Variants in HVCN1 observed in about 807,000 individuals in gnomAD.
HVCN1 encodes the protein hydrogen voltage gated channel 1, also known as voltage-gated hydrogen channel 1.
Under a neutral mutation model 29.2 loss-of-function variants are expected in HVCN1, and 14 were observed. The observed-to-expected ratio is 0.48, with a 90% confidence interval of 0.32 to 0.75. HVCN1 has a LOEUF of 0.75. Among genes scored for constraint, HVCN1 ranks in the 30% least tolerant of loss-of-function variants. The probability of loss-of-function intolerance (pLI) is 0.04; values close to 1 mark genes in which losing one functional copy is unlikely to be tolerated. For synonymous variants in HVCN1, 131 were observed against 133.2 expected, an observed-to-expected ratio of 0.98 and a Z score of 0.11; for missense variants, 263 against 341.8, an observed-to-expected ratio of 0.77 and a Z score of 1.82.
intron 3 of HVCN1, among the ~76,000 whole-genome samples, chr12:110,667,150 T>C (rs1343755971): frequency 6.6e-6 from 1 of 152,130 alleles, no homozygotes; most frequent in Non-Finnish European, 1.5e-5. Flanking sequence ...TCCTTTCTTT[T>C]TGAGACAAAG....
chr12:110,664,786 T>C (rs1391170460), intron 3 of HVCN1, among the ~76,000 whole-genome samples: 1 of 152,308 alleles, frequency 6.6e-6, no homozygotes, highest in African/African-American at 2.4e-5. Flanking sequence ...ATATGGACTT[T>C]GGCTGAGTCC....
intron 2 of HVCN1, among the ~76,000 whole-genome samples, chr12:110,697,065 C>G (rs2069505061): frequency 6.6e-6 from 1 of 151,770 alleles, no homozygotes; most frequent in African/African-American, 2.4e-5. Context: ...GGGCAGAGCA[C>G]CGGAGTGCAC....
At chr12:110,649,538 A>G in intron 7 of HVCN1, 63 bp from the exon 8 acceptor site, 3 of 1,210,736 alleles carry the variant, frequency 2.5e-6, no homozygotes, top group Non-Finnish European at 3.6e-6. Flanking sequence ...GTGACAATCA[A>G]TCATTCAGTG....
intron 2 of HVCN1, among the ~76,000 whole-genome samples, chr12:110,684,156 G>A (rs2069094775): frequency 1.3e-5 from 2 of 151,938 alleles, no homozygotes; most frequent in African/African-American, 4.8e-5. Flanking sequence ...ATGGATTAGG[G>A]GGTTTCCTTT....
chr12:110,673,923 C>T (rs1224254554), intron 3 of HVCN1, among the ~76,000 whole-genome samples: 1 of 152,222 alleles, frequency 6.6e-6, no homozygotes, highest in Admixed American at 6.5e-5. Flanking sequence ...CACACTGAGT[C>T]CCTTCTGGGG....
chr12:110,696,807 TG>T (rs1182555555), intron 2 of HVCN1, among the ~76,000 whole-genome samples: 2 of 152,222 alleles, frequency 1.3e-5, no homozygotes, highest in African/African-American at 4.8e-5. Context: ...TACCACATGT[TG>T]CTTATCCTTC....
chr12:110,649,776 G>GCCCAA (rs2067703760), intron 7 of HVCN1, among the ~76,000 whole-genome samples: 1 of 152,262 alleles, frequency 6.6e-6, no homozygotes, highest in Non-Finnish European at 1.5e-5. Flanking sequence ...GCTCAGCCCA[G>GCCCAA]GGAAGGGCGC....
intron 4 of HVCN1, among the ~76,000 whole-genome samples, chr12:110,657,322 T>C (rs538182450): frequency 1.3e-5 from 2 of 152,164 alleles, no homozygotes; most frequent in East Asian, 3.9e-4. Context: ...AGTGAAACCC[T>C]GTTTCTACTA....
At chr12:110,688,178 G>A (rs2069270274) in intron 2 of HVCN1, 3 of 152,292 alleles carry the variant, frequency 2.0e-5, no homozygotes, top group Admixed American at 2.0e-4. Flanking sequence ...TGTACACCAA[G>A]CATCTTATAT....
Position 110,649,203 on chromosome 12 carries a change from C to T in HVCN1, c.*207G>A, listed in dbSNP as rs1182831903. On this transcript the variant is annotated 3_prime_UTR_variant, in exon 8 of 8. Coordinates refer to ENST00000242607, the MANE Select transcript of HVCN1 (RefSeq NM_032369.4). ...ATGAGAAAATGTGATACATTTGATA[C>T]AGTGTGGGGTGGGAGTGGATGGGCA... 7.3e-6 allele frequency: 5 copies of T among 681,878 alleles called. No individual in the cohort carries two copies. The highest frequency in any genetic ancestry group is 2.2e-5 in the Admixed American group (1 of 45,220). The allele number at this position is 681,878 out of a possible 1,614,324, so 42.2% of individuals were successfully genotyped here.
chr12:110,700,589 ATC>A (rs754758692), intron 2 of HVCN1, among the ~76,000 whole-genome samples: 3 of 151,602 alleles, frequency 2.0e-5, no homozygotes, highest in Non-Finnish European at 4.4e-5. Context: ...GAATATTTCG[ATC>A]TCTCTCTCTC....
At chr12:110,650,389 C>G (rs545370127) in intron 6 of HVCN1, 109 bp from the exon 7 acceptor site, 9 of 659,896 alleles carry the variant, frequency 1.4e-5, no homozygotes, top group African/African-American at 3.6e-5. Flanking sequence ...GTGACAGACA[C>G]GCGAGACAGT....
chr12:110,651,382 C>T lies in HVCN1; in HGVS notation c.478G>A (p.Val160Ile). 1.2e-6 allele frequency: 2 copies of T among 1,613,886 alleles called. No homozygotes were observed. Among genetic ancestry groups the T allele is most frequent in the Non-Finnish European group, 1.7e-6 (2 of 1,179,922 alleles). Reference sequence around the variant, plus strand: ...TGGTGAAAGAACTCCAGGCGGAAGACAAATAATTTAAAGATGATCTCCATC... The same window carrying T: ...TGGTGAAAGAACTCCAGGCGGAAGATAAATAATTTAAAGATGATCTCCATC... ...FMMEIIFKLF[V>I]FRLEFFHHKF... Residue 160 changes from valine (V) to isoleucine (I), a missense_variant, in exon 6 of 8, where the codon GTC becomes ATC. This residue lies in a region of HVCN1 where 55 missense variants were observed against 109.4 expected (regional missense o/e 0.50). Coordinates refer to ENST00000242607, the MANE Select transcript of HVCN1 (RefSeq NM_032369.4).
At chr12:110,650,321 CTT>C in intron 6 of HVCN1, 41 bp from the exon 7 acceptor site, 1 of 1,278,876 alleles carries the variant, frequency 7.8e-7, no homozygotes, top group Non-Finnish European at 1.1e-6. Context: ...TGGTTTCTAA[CTT>C]AACCACTCAG....
chr12:110,656,045 G>A (rs955096120), intron 4 of HVCN1, among the ~76,000 whole-genome samples: 1 of 152,154 alleles, frequency 6.6e-6, no homozygotes, highest in Non-Finnish European at 1.5e-5. Flanking sequence ...CTGTTGCTGG[G>A]GTGCTCACAG....
rs375209928 is a variant in HVCN1 at position 110,697,359 on chromosome 12, G to A, written c.-104+4950C>T. 5.3e-5 allele frequency among the ~76,000 whole-genome samples: 8 copies of A among 152,208 alleles called. No homozygotes were observed. The East Asian group carries it at 1.5e-3, about 29-fold the overall frequency. On this transcript the variant is annotated intron_variant, in intron 2 of 4. Coordinates refer to the HVCN1 transcript ENST00000546713. Reference sequence around the variant, plus strand: ...GGCTGCAAAGGAGACAGAAAGAGTAGCCAAGAGGTAGAAGGAAAAACCAAG... The same window carrying A: ...GGCTGCAAAGGAGACAGAAAGAGTAACCAAGAGGTAGAAGGAAAAACCAAG...
At chr12:110,683,909 TAAAAAAA>T (rs766895530) in intron 2 of HVCN1, among the ~76,000 whole-genome samples, 2 of 67,884 alleles carry the variant, frequency 2.9e-5, no homozygotes, top group African/African-American at 1.1e-4. Flanking sequence ...AGACTCTATC[TAAAAAAA>T]AAAAAAAAAG....
upstream of HVCN1, among the ~76,000 whole-genome samples, chr12:110,693,857 G>A (rs754593047): frequency 3.9e-5 from 6 of 152,198 alleles, no homozygotes; most frequent in African/African-American, 1.4e-4. Flanking sequence ...AGGTCCAGAA[G>A]CTTCCCCAGA....
intron 5 of HVCN1, among the ~76,000 whole-genome samples, chr12:110,653,462 T>TA (rs553886927): frequency 8.4e-4 from 119 of 141,610 alleles, no homozygotes; most frequent in Middle Eastern, 8.1e-3. Flanking sequence ...CTGTCTCAAG[T>TA]AAAAAAAAAA....
Sources: allele counts gnomAD v4.1 joint callset (sites outside exome capture counted in the v4.1 genomes callset), GRCh38; gene constraint gnomAD v4.1.1; regional missense constraint gnomAD v4.1.1; transcripts MANE v1.5; gene names NCBI Gene and HGNC (gene_info 2026-07-23, HGNC 2026-07-21).